Variants in GXYLT1 observed in about 807,000 individuals in gnomAD.
GXYLT1 encodes glucoside xylosyltransferase 1.
A neutral mutation model predicts 54.0 loss-of-function variants in GXYLT1; 29 were observed. The observed-to-expected ratio is 0.54, with a 90% CI of 0.40 to 0.73. The LOEUF (loss-of-function observed/expected upper bound fraction) is 0.73, where lower values mean the gene tolerates loss of function less well. Among genes scored for constraint, GXYLT1 ranks in the 30% least tolerant of loss-of-function variants. The pLI is 0.00. For missense variants in GXYLT1, 490 were observed against 553.4 expected, an observed-to-expected ratio of 0.89 and a Z score of 1.15; for synonymous variants, 176 against 204.1, an observed-to-expected ratio of 0.86 and a Z score of 1.17.
chr12:42,115,230 A>T (rs908080364), intron 3 of GXYLT1, among the ~76,000 whole-genome samples: 9 of 152,212 alleles, frequency 5.9e-5, no homozygotes, highest in African/African-American at 1.9e-4. Context: ...CAAGACAGGG[A>T]TGCCCTCTCT....
At chr12:42,096,093 T>C (rs1199181220) in intron 7 of GXYLT1, among the ~76,000 whole-genome samples, 2 of 152,074 alleles carry the variant, frequency 1.3e-5, no homozygotes, top group Non-Finnish European at 2.9e-5. Context: ...AGATATAATA[T>C]AGAGTAGAAG....
Position 42,097,432 on chromosome 12 carries a change from CA to C in GXYLT1, c.1161+9del, listed in dbSNP as rs755446063. 2.6e-6 allele frequency: 4 copies of C among 1,538,792 alleles called. No individual in the cohort carries two copies. The Admixed American group carries it at 9.4e-5, about 36-fold the overall frequency. ...ACAAAAAGTTAAAAAAAAGGAAAGG[CA>C]AATCTTACATTTCTCAGTGCTTCAT... On this transcript the variant is annotated intron_variant, in intron 7 of 7. Transcript: ENST00000398675.
In GXYLT1 at chr12:42,144,630, C is replaced by A; in HGVS notation, c.17G>T (p.Arg6Leu). 1 of 1,464,862 alleles carries A rather than the reference C, an allele frequency of 6.8e-7. No homozygotes were observed. The highest frequency in any genetic ancestry group is 9.0e-7 in the Non-Finnish European group (1 of 1,106,608). 90.7% of individuals were successfully genotyped at this position (1,464,862 alleles called of 1,614,324 possible). ...GCAGGCCACACACAGCACCACGACG[C>A]GCAGGTAGCGCCGCATCGCCCCGGC... is the stretch of plus-strand genomic sequence containing the variant. MRRYLRVVVLCVACGF... is the reference protein window; with the variant it reads MRRYLLVVVLCVACGF... The change falls in exon 1 of 8, where the codon CGC (arginine) becomes CTC (leucine). Residue 6 changes from arginine to leucine, a missense_variant. Arg to Leu is a moderately radical substitution (Grantham distance 102). Transcript: ENST00000398675.
chr12:42,132,275 G>A (rs712106), intron 1 of GXYLT1, among the ~76,000 whole-genome samples: 3 of 151,990 alleles, frequency 2.0e-5, no homozygotes, highest in Non-Finnish European at 2.9e-5. Context: ...ACCAATATCC[G>A]CAGATAAGTC....
intron 7 of GXYLT1, among the ~76,000 whole-genome samples, chr12:42,095,577 A>AC (rs2065351224): frequency 6.6e-6 from 1 of 152,208 alleles, no homozygotes; most frequent in African/African-American, 2.4e-5. Context: ...TATTAAAAAC[A>AC]CAGGAAGGAT....
chr12:42,142,467 G>C (rs897192702), intron 1 of GXYLT1, among the ~76,000 whole-genome samples: 139 of 151,720 alleles, frequency 9.2e-4, no homozygotes, highest in African/African-American at 3.2e-3. Flanking sequence ...CTCCCAAAGT[G>C]CTGGGATTAC....
chr12:42,112,485 T>C (rs1377208953), intron 3 of GXYLT1, among the ~76,000 whole-genome samples: 1 of 152,084 alleles, frequency 6.6e-6, no homozygotes, highest in Non-Finnish European at 1.5e-5. Context: ...ATGAGAGCTA[T>C]GTGACAAATG....
In GXYLT1 at chr12:42,140,779, G is replaced by T. The variant is rs185774773; in HGVS notation, c.221+3647C>A. Among the ~76,000 whole-genome samples, 9 of 152,220 alleles carry T rather than the reference G, an allele frequency of 5.9e-5. No homozygotes were observed. The East Asian group carries it at 1.7e-3, about 29-fold the overall frequency. Reference sequence around the variant, plus strand: ...CCAAGGGCTTGATGGGTCCAGAAACGGTATCACTGAAACATTTAGTAATTT... The same window carrying T: ...CCAAGGGCTTGATGGGTCCAGAAACTGTATCACTGAAACATTTAGTAATTT... On this transcript the variant is annotated intron_variant, in intron 1 of 7. Coordinates refer to ENST00000398675, the MANE Select transcript of GXYLT1 (RefSeq NM_173601.2).
rs886388231 is a variant in GXYLT1 at position 42,083,108 on chromosome 12, C to G, written c.*4678G>C. The G allele has an allele frequency of 1.3e-5, 2 of 152,056 alleles. No individual in the cohort carries two copies. Among genetic ancestry groups the G allele is most frequent in the African/African-American group, 4.8e-5 (2 of 41,408 alleles). 9.4% of individuals were successfully genotyped at this position (152,056 alleles called of 1,614,324 possible). ...ACATTGATTTGCAATCCATTTTAAA[C>G]TGTTACATCTAATATGCTATTCTGT... is the stretch of plus-strand genomic sequence containing the variant. On this transcript the variant is annotated 3_prime_UTR_variant, in exon 8 of 8. Coordinates refer to ENST00000398675, the MANE Select transcript of GXYLT1 (RefSeq NM_173601.2).
At chr12:42,122,620 A>G (rs969639282) in intron 2 of GXYLT1, among the ~76,000 whole-genome samples, 1 of 152,172 alleles carries the variant, frequency 6.6e-6, no homozygotes, top group Non-Finnish European at 1.5e-5. Context: ...CACATCGTCA[A>G]AAAATGATAT....
intron 7 of GXYLT1, among the ~76,000 whole-genome samples, chr12:42,091,382 T>C (rs2065328405): frequency 6.6e-6 from 1 of 152,012 alleles, no homozygotes; most frequent in African/African-American, 2.4e-5. Flanking sequence ...AAAGATCAAA[T>C]AAAACCAGGG....
intron 7 of GXYLT1, among the ~76,000 whole-genome samples, chr12:42,093,797 C>T (rs1449925128): frequency 6.6e-6 from 1 of 152,052 alleles, no homozygotes; most frequent in Non-Finnish European, 1.5e-5. Context: ...CTTGGCCTCC[C>T]AAAGTGCTAG....
At chr12:42,110,383 A>G (rs1205667990) in intron 3 of GXYLT1, among the ~76,000 whole-genome samples, 3 of 152,330 alleles carry the variant, frequency 2.0e-5, no homozygotes, top group South Asian at 4.1e-4. Context: ...TTAAGAAACA[A>G]TCTATGGGGG....
chr12:42,105,069 T>C (rs530749579), intron 5 of GXYLT1, among the ~76,000 whole-genome samples: 1 of 152,208 alleles, frequency 6.6e-6, no homozygotes, highest in South Asian at 2.1e-4. Context: ...AAGTGGCTAG[T>C]AGTTAAGTAC....
intron 3 of GXYLT1, among the ~76,000 whole-genome samples, chr12:42,118,474 T>C (rs2065510062): frequency 6.6e-6 from 1 of 152,204 alleles, no homozygotes; most frequent in African/African-American, 2.4e-5. Context: ...TCTTTCACGT[T>C]AGATCTGGAC....
At chr12:42,113,678 T>A (rs35682620) in intron 3 of GXYLT1, among the ~76,000 whole-genome samples, 21,898 of 150,596 alleles carry the variant, frequency 0.15, 1,969 homozygotes, top group Non-Finnish European at 0.18. Flanking sequence ...CACACAATAA[T>A]GGGAGACTTT....
rs970888863 is a variant in GXYLT1 at position 42,083,829 on chromosome 12, C to T, written c.*3957G>A. 5 of 152,168 alleles carry T rather than the reference C, an allele frequency of 3.3e-5. No homozygotes were observed. The highest frequency in any genetic ancestry group is 1.2e-4 in the African/African-American group (5 of 41,438). The allele number at this position is 152,168 out of a possible 1,614,324, so 9.4% of individuals were successfully genotyped here. On this transcript the variant is annotated 3_prime_UTR_variant, in exon 8 of 8. Transcript: ENST00000398675. ...AACACATTCCTTGGCCCCCTTCAGA[C>T]CTAATGAAGCAGTCCCCTCCACTTC...
At position 42,140,200 on chromosome 12, in the gene GXYLT1, CGG is replaced by C. The variant is rs1188871012; in HGVS notation, c.221+4224_221+4225del. 3.9e-3 allele frequency among the ~76,000 whole-genome samples: 147 copies of C among 38,106 alleles called. 13 individuals are homozygous for C. The East Asian group carries it at 0.052, about 13-fold the overall frequency. 25.0% of individuals were successfully genotyped at this position (38,106 alleles called of 152,430 possible). On this transcript the variant is annotated intron_variant, in intron 1 of 7. Coordinates refer to ENST00000398675, the MANE Select transcript of GXYLT1 (RefSeq NM_173601.2). ...CATCTCAAAAAAAAAAAAAAAAAGGCGGGGGGGGGGGGACTTCACTAAAAACA... is the reference window on the plus strand; with the variant it reads ...CATCTCAAAAAAAAAAAAAAAAAGGCGGGGGGGGGGACTTCACTAAAAACA...
At position 42,105,836 on chromosome 12, in the gene GXYLT1, C is replaced by T. The variant is rs550671161; in HGVS notation, c.846G>A (p.Met282Ile). The part of the protein sequence containing the change: ...SGVMLMNMTR[M>I]RRKYFKNDMT... ...GACTTACCTTGAAATACTTCCTTCT[C>T]ATTCGAGTCATGTTCATCAACATAA... Residue 282 changes from methionine (M) to isoleucine (I), a missense_variant, in exon 5 of 8, where the codon ATG becomes ATA. Met to Ile is a conservative substitution (Grantham distance 10). This residue lies in a region of GXYLT1 where 342 missense variants were observed against 342.6 expected (regional missense o/e 1.00). Transcript: ENST00000398675. The T allele has an allele frequency of 1.9e-6, 3 of 1,612,136 alleles. No individual in the cohort carries two copies. The East Asian group carries it at 6.7e-5, about 36-fold the overall frequency.
Sources: gnomAD v4.1 joint callset for allele counts (sites outside exome capture counted in the v4.1 genomes callset) on GRCh38, gnomAD v4.1.1 for gene constraint, gnomAD v4.1.1 regional missense constraint, MANE v1.5 for transcripts, NCBI Gene and HGNC (gene_info 2026-07-23, HGNC 2026-07-21) for gene names.